Variants in XYLT1 observed in about 807,000 individuals in gnomAD.
XYLT1 encodes the protein beta-D-xylosyltransferase 1.
In XYLT1, 36 loss-of-function variants were observed where a neutral mutation model predicts 91.3. The observed-to-expected ratio is 0.39, with a 90% CI of 0.30 to 0.52. The LOEUF is 0.52. Ranked by LOEUF, XYLT1 falls within the 20% of genes least tolerant of loss-of-function variation. The pLI is 0.68. For synonymous variants in XYLT1, 588 were observed against 532.0 expected (o/e 1.11, Z -1.45); for missense variants, 1,242 against 1,284.5 (o/e 0.97, Z 0.51).
chr16:17,405,525 C>T (rs572877886), intron 1 of XYLT1, among the ~76,000 whole-genome samples: 28 of 152,314 alleles, frequency 1.8e-4, no homozygotes, highest in African/African-American at 6.3e-4. Context: ...ACAGGGACAG[C>T]AGCAGGGAGC....
intron 5 of XYLT1, among the ~76,000 whole-genome samples, chr16:17,188,241 C>T (rs1242071657): frequency 2.0e-5 from 3 of 152,094 alleles, no homozygotes; most frequent in Admixed American, 6.5e-5. Flanking sequence ...GCCCCACTCC[C>T]AACTATTCTC....
At position 17,469,251 on chromosome 16, in the gene XYLT1, T is replaced by C. The variant is rs562762998; in HGVS notation, c.363+1183A>G. On this transcript the variant is annotated intron_variant, in intron 1 of 11. Coordinates refer to ENST00000261381, the MANE Select transcript of XYLT1 (RefSeq NM_022166.4). ...TGAGGACTTCCAAAGTGACAAATGA[T>C]AGAAATATGCATTCAGTCTTCAGGA... 3.2e-3 allele frequency among the ~76,000 whole-genome samples: 495 copies of C among 152,312 alleles called. 3 individuals carry two copies. The highest frequency in any genetic ancestry group is 9.5e-3 in the South Asian group (46 of 4,832).
Position 17,127,761 on chromosome 16 carries a change from T to C in XYLT1, c.2128A>G (p.Ser710Gly), listed in dbSNP as rs2030312245. The C allele has an allele frequency of 1.9e-6, 3 of 1,614,054 alleles. No homozygotes were observed. In the African/African-American group the frequency reaches 4.0e-5, roughly 22 times the overall value. ...IKHHATNLAV[S>G]KLETLETWVM... ...CAGGTCTCCAGAGTCTCTAGTTTGCTCACAGCCAGATTGGTAGCATGATGC... is the reference window on the plus strand; with the variant it reads ...CAGGTCTCCAGAGTCTCTAGTTTGCCCACAGCCAGATTGGTAGCATGATGC... The change falls in exon 10 of 12, where the codon AGC (serine) becomes GGC (glycine). Residue 710 changes from serine to glycine, a missense_variant. Coordinates refer to ENST00000261381, the MANE Select transcript of XYLT1 (RefSeq NM_022166.4).
chr16:17,290,964 G>A (rs1472806935), intron 2 of XYLT1, among the ~76,000 whole-genome samples: 3 of 152,090 alleles, frequency 2.0e-5, no homozygotes, highest in East Asian at 1.9e-4. Context: ...TTTGAGACAC[G>A]GTCTCTGTCA....
intron 2 of XYLT1, among the ~76,000 whole-genome samples, chr16:17,319,189 G>A (rs538855341): frequency 2.6e-4 from 40 of 152,146 alleles, no homozygotes; most frequent in African/African-American, 9.2e-4. Flanking sequence ...TGCATTTATT[G>A]GGAAGGGCTT....
At chr16:17,431,271 G>A (rs1003995307) in intron 1 of XYLT1, among the ~76,000 whole-genome samples, 3 of 152,122 alleles carry the variant, frequency 2.0e-5, no homozygotes, top group South Asian at 2.1e-4. Flanking sequence ...TTAGAGCGGC[G>A]CTTCTCAAAC....
At chr16:17,287,889 A>G (rs2034165212) in intron 2 of XYLT1, among the ~76,000 whole-genome samples, 1 of 151,906 alleles carries the variant, frequency 6.6e-6, no homozygotes, top group South Asian at 2.1e-4. Flanking sequence ...AAAGATTAAT[A>G]CTAAGTGAGA....
intron 5 of XYLT1, among the ~76,000 whole-genome samples, chr16:17,182,507 A>G (rs769980968): frequency 3.9e-5 from 6 of 152,200 alleles, no homozygotes; most frequent in Non-Finnish European, 5.9e-5. Context: ...TACAAGGGTT[A>G]GAGCTTCGAC....
chr16:17,318,582 T>C (rs58594876), intron 2 of XYLT1, among the ~76,000 whole-genome samples: 12,253 of 152,292 alleles, frequency 0.08, 526 homozygotes, highest in Non-Finnish European at 0.1. Flanking sequence ...TGCAACGTCA[T>C]GCAATCCTGG....
At chr16:17,245,722 C>G (rs916449726) in intron 3 of XYLT1, among the ~76,000 whole-genome samples, 14 of 152,192 alleles carry the variant, frequency 9.2e-5, no homozygotes, top group Non-Finnish European at 1.8e-4. Context: ...TTCAATTCCA[C>G]GGGGTAATAA....
intron 2 of XYLT1, among the ~76,000 whole-genome samples, chr16:17,308,105 A>C (rs1231927497): frequency 6.6e-6 from 1 of 152,176 alleles, no homozygotes; most frequent in Admixed American, 6.5e-5. Context: ...ACCAAAGCAG[A>C]GTGAGAGAGC....
At chr16:17,318,275 A>T (rs2034666411) in intron 2 of XYLT1, among the ~76,000 whole-genome samples, 1 of 152,194 alleles carries the variant, frequency 6.6e-6, no homozygotes, top group African/African-American at 2.4e-5. Flanking sequence ...GGGGCTCTTA[A>T]CCACTGAGCT....
intron 2 of XYLT1, among the ~76,000 whole-genome samples, chr16:17,290,942 CATTT>C (rs2034214090): frequency 6.6e-6 from 1 of 152,126 alleles, no homozygotes; most frequent in Non-Finnish European, 1.5e-5. Context: ...TTATTTTATT[CATTT>C]ATTTATTTTT....
In XYLT1 at chr16:17,236,798, A is replaced by C. The variant is rs1165832749; in HGVS notation, c.913+22190T>G. 3.9e-5 allele frequency among the ~76,000 whole-genome samples: 6 copies of C among 152,106 alleles called. No individual in the cohort carries two copies. In the East Asian group the frequency reaches 1.2e-3, roughly 29 times the overall value. On this transcript the variant is annotated intron_variant, in intron 3 of 11. Coordinates refer to ENST00000261381, the MANE Select transcript of XYLT1 (RefSeq NM_022166.4). ...TGGCATTCTTCTAGTGTGCATGTCT[A>C]TCTGTGGGTCTGAACGTCCTCTTTT...
intron 11 of XYLT1, among the ~76,000 whole-genome samples, chr16:17,115,447 G>A (rs78434427): frequency 0.057 from 8,566 of 151,004 alleles, 803 homozygotes; most frequent in African/African-American, 0.2. Flanking sequence ...TTGCATGACT[G>A]CACTCCAGCC....
intron 6 of XYLT1, among the ~76,000 whole-genome samples, chr16:17,157,644 T>C (rs1422379348): frequency 6.6e-6 from 1 of 152,174 alleles, no homozygotes; most frequent in Non-Finnish European, 1.5e-5. Flanking sequence ...AGCTAAACCA[T>C]GCACGTTAAC....
chr16:17,149,667 T>C (rs1227505352), intron 6 of XYLT1, among the ~76,000 whole-genome samples: 1 of 152,246 alleles, frequency 6.6e-6, no homozygotes, highest in African/African-American at 2.4e-5. Context: ...GCCTGAGATT[T>C]TTCTCTACTG....
intron 1 of XYLT1, among the ~76,000 whole-genome samples, chr16:17,416,539 C>G (rs562859082): frequency 1.3e-5 from 2 of 152,202 alleles, no homozygotes; most frequent in Non-Finnish European, 2.9e-5. Flanking sequence ...GGGCACATCC[C>G]TATCACAATC....
At chr16:17,291,422 G>A (rs2034224519) in intron 2 of XYLT1, among the ~76,000 whole-genome samples, 1 of 152,214 alleles carries the variant, frequency 6.6e-6, no homozygotes, top group Non-Finnish European at 1.5e-5. Flanking sequence ...TGAGGCCCAG[G>A]GGTCCTGCCC....
Sources: gnomAD v4.1 joint callset for allele counts (sites outside exome capture counted in the v4.1 genomes callset) on GRCh38, gnomAD v4.1.1 for gene constraint, MANE v1.5 for transcripts, NCBI Gene and HGNC (gene_info 2026-07-23, HGNC 2026-07-21) for gene names.